SLC24A3: variants seen among roughly 807,000 people sequenced by gnomAD.
SLC24A3 encodes the protein sodium/potassium/calcium exchanger 3.
A neutral mutation model predicts 75.8 loss-of-function variants in SLC24A3; 28 were observed. That is an observed-to-expected ratio of 0.37 (90% confidence interval 0.27 to 0.51). The LOEUF (loss-of-function observed/expected upper bound fraction) is 0.51, where lower values mean the gene tolerates loss of function less well. Among genes scored for constraint, SLC24A3 ranks in the 20% least tolerant of loss-of-function variants. SLC24A3 has a pLI of 0.94. For missense variants in SLC24A3, 663 were observed against 847.8 expected (o/e 0.78, Z 2.71); for synonymous variants, 372 against 334.1 (o/e 1.11, Z -1.24).
chr20:19,346,117 T>TGTGTGTATATATATATATATG (rs1985399570), intron 2 of SLC24A3, among the ~76,000 whole-genome samples: 1 of 68,482 alleles, frequency 1.5e-5, no homozygotes, highest in East Asian at 3.4e-4. Flanking sequence ...ATGGTGTGTG[T>TGTGTGTATATATATATATATG]GTGTGTGTAT....
chr20:19,445,140 T>G (rs916825707), intron 2 of SLC24A3, among the ~76,000 whole-genome samples: 1 of 152,214 alleles, frequency 6.6e-6, no homozygotes, highest in African/African-American at 2.4e-5. Context: ...TAAAATCCAG[T>G]ACAGCGTTAC....
intron 3 of SLC24A3, among the ~76,000 whole-genome samples, chr20:19,532,924 G>A (rs1000111127): frequency 6.6e-6 from 1 of 152,200 alleles, no homozygotes; most frequent in Non-Finnish European, 1.5e-5. Context: ...CAACAGAGAC[G>A]CTGATCAAGC....
In SLC24A3 at chr20:19,684,278, C is replaced by G; in HGVS notation, c.1004C>G (p.Thr335Ser). 2.5e-6 allele frequency: 4 copies of G among 1,614,134 alleles called. No individual in the cohort carries two copies. Among genetic ancestry groups the G allele is most frequent in the Non-Finnish European group, 2.5e-6 (3 of 1,180,016 alleles). The part of the protein sequence containing the change: ...FSEAGLRIMI[T>S]SHFPPKTRLS... ...GAGGCTGGCCTTCGAATCATGATAA[C>G]CAGCCACTTTCCCCCCAAGACCCGG... Residue 335 changes from threonine to serine, a missense_variant, in exon 11 of 17, where the codon ACC (threonine) becomes AGC (serine). Thr to Ser is a moderately conservative substitution (Grantham distance 58). Around this residue, in one of 2 missense-constraint regions of SLC24A3, gnomAD observed 510 missense variants for 703.6 expected, o/e 0.72. Transcript: ENST00000328041.
intron 1 of SLC24A3, among the ~76,000 whole-genome samples, chr20:19,275,623 A>G (rs1255527665): frequency 6.6e-6 from 1 of 152,108 alleles, no homozygotes; most frequent in African/African-American, 2.4e-5. Context: ...TGGGCTCTCT[A>G]AGCCCCAGTT....
intron 2 of SLC24A3, among the ~76,000 whole-genome samples, chr20:19,299,020 A>C (rs1984128956): frequency 6.6e-6 from 1 of 152,180 alleles, no homozygotes; most frequent in South Asian, 2.1e-4. Context: ...AGGTGCTGGC[A>C]GTTGGAAGTT....
chr20:19,522,548 T>G (rs1202039015), intron 3 of SLC24A3, among the ~76,000 whole-genome samples: 12 of 152,220 alleles, frequency 7.9e-5, no homozygotes, highest in Admixed American at 5.9e-4. Flanking sequence ...TGGTAGGTGC[T>G]CCGTCAGTGT....
Position 19,552,991 on chromosome 20 carries a change from C to T in SLC24A3, c.349-27009C>T, listed in dbSNP as rs373768582. Among the ~76,000 whole-genome samples the T allele has an allele frequency of 1.7e-4, 26 of 152,056 alleles. 1 individual carries two copies. In the South Asian group the frequency reaches 4.0e-3, roughly 23 times the overall value. Reference sequence around the variant, plus strand: ...TGCAAGGTCCCCAGACTAGGGACCTCGCCTTTCCCTCGTTCCCTCCATCCC... The same window carrying T: ...TGCAAGGTCCCCAGACTAGGGACCTTGCCTTTCCCTCGTTCCCTCCATCCC... On this transcript the variant is annotated intron_variant, in intron 3 of 16. Coordinates refer to ENST00000328041, the MANE Select transcript of SLC24A3 (RefSeq NM_020689.4).
At chr20:19,531,651 A>G (rs2030301367) in intron 3 of SLC24A3, among the ~76,000 whole-genome samples, 1 of 152,218 alleles carries the variant, frequency 6.6e-6, no homozygotes, top group South Asian at 2.1e-4. Context: ...CCTCAGGTTC[A>G]ATCAAACAAA....
intron 2 of SLC24A3, among the ~76,000 whole-genome samples, chr20:19,289,547 G>A (rs1400902605): frequency 2.6e-5 from 4 of 152,316 alleles, no homozygotes; most frequent in Middle Eastern, 3.4e-3. Context: ...GTATTACAGC[G>A]GGGTGCTGGG....
chr20:19,325,799 G>T (rs868350525), intron 2 of SLC24A3, among the ~76,000 whole-genome samples: 6,753 of 42,050 alleles, frequency 0.16, 186 homozygotes, highest in Non-Finnish European at 0.19. Context: ...TATATATAGA[G>T]AGAGAGAGAG....
intron 2 of SLC24A3, among the ~76,000 whole-genome samples, chr20:19,337,508 A>C (rs1413626455): frequency 1.3e-5 from 2 of 152,166 alleles, no homozygotes; most frequent in South Asian, 4.1e-4. Flanking sequence ...CACACATGGT[A>C]GTTCTTCTTG....
intron 15 of SLC24A3, among the ~76,000 whole-genome samples, chr20:19,706,393 A>G (rs1354332852): frequency 6.6e-6 from 1 of 152,150 alleles, no homozygotes; most frequent in Non-Finnish European, 1.5e-5. Flanking sequence ...ACAGAAGTTT[A>G]GGTAGTGTGT....
At chr20:19,263,033 T>TTGTG (rs11473481) in intron 1 of SLC24A3, among the ~76,000 whole-genome samples, 11,116 of 143,080 alleles carry the variant, frequency 0.078, 490 homozygotes, top group South Asian at 0.13. Flanking sequence ...ACTCCAGCCT[T>TTGTG]TGTGTGTGTG....
At chr20:19,462,274 C>CCT (rs1555794291) in intron 2 of SLC24A3, among the ~76,000 whole-genome samples, 3 of 149,228 alleles carry the variant, frequency 2.0e-5, no homozygotes, top group Non-Finnish European at 4.5e-5. Context: ...GGGTGGCTTT[C>CCT]TTTCTTTTTT....
chr20:19,427,182 G>A (rs1182283065), intron 2 of SLC24A3, among the ~76,000 whole-genome samples: 1 of 152,094 alleles, frequency 6.6e-6, no homozygotes. Flanking sequence ...GTGGAGTTTG[G>A]GAAGCAGATG....
chr20:19,364,233 C>T (rs763781105), intron 2 of SLC24A3, among the ~76,000 whole-genome samples: 22 of 152,228 alleles, frequency 1.4e-4, no homozygotes, highest in Middle Eastern at 3.4e-3. Context: ...CTTGAACCCA[C>T]GTTTTTGTAT....
chr20:19,712,308 T>C (rs1350992264), intron 15 of SLC24A3, among the ~76,000 whole-genome samples: 1 of 151,766 alleles, frequency 6.6e-6, no homozygotes, highest in Admixed American at 6.6e-5. Context: ...GTGAGGGAAT[T>C]AGGTGCTAGA....
At chr20:19,367,969 G>A (rs1305102408) in intron 2 of SLC24A3, among the ~76,000 whole-genome samples, 1 of 152,196 alleles carries the variant, frequency 6.6e-6, no homozygotes, top group Non-Finnish European at 1.5e-5. Flanking sequence ...TTAGCAGAGA[G>A]CATAATCTAT....
chr20:19,491,780 TC>T (rs1248039215), intron 2 of SLC24A3, among the ~76,000 whole-genome samples: 1 of 152,126 alleles, frequency 6.6e-6, no homozygotes, highest in Non-Finnish European at 1.5e-5. Context: ...TGAGGGTGTC[TC>T]CCCAGTCAAA....
Sources: allele counts gnomAD v4.1 joint callset (sites outside exome capture counted in the v4.1 genomes callset), GRCh38; gene constraint gnomAD v4.1.1; regional missense constraint gnomAD v4.1.1; transcripts MANE v1.5; gene names NCBI Gene and HGNC (gene_info 2026-07-23, HGNC 2026-07-21).